The following CHRNB3 variants were observed in gnomAD, a reference collection of about 807,000 sequenced individuals.
CHRNB3 encodes neuronal acetylcholine receptor subunit beta-3.
A neutral mutation model predicts 40.6 loss-of-function variants in CHRNB3; 37 were observed. The observed-to-expected ratio is 0.91, with a 90% CI of 0.70 to 1.20. The LOEUF (loss-of-function observed/expected upper bound fraction) is 1.20. CHRNB3 is among the 50% of genes most tolerant of loss of function. The pLI, the probability that CHRNB3 is intolerant of heterozygous loss-of-function variation, is 0.00. For missense variants in CHRNB3, 505 were observed against 551.2 expected, an observed-to-expected ratio of 0.92 and a Z score of 0.84; for synonymous variants, 207 against 207.1, an observed-to-expected ratio of 1.00 and a Z score of 0.00.
intron 3 of CHRNB3, among the ~76,000 whole-genome samples, chr8:42,727,789 G>C (rs534173686): frequency 6.6e-6 from 1 of 152,086 alleles, no homozygotes. Context: ...CTTGAACCCA[G>C]GAGGCAGAGG....
intron 5 of CHRNB3, among the ~76,000 whole-genome samples, chr8:42,735,238 CAAAA>C (rs1231421021): frequency 1.4e-5 from 2 of 147,476 alleles, no homozygotes; most frequent in Non-Finnish European, 3.0e-5. Flanking sequence ...AACAAACAAA[CAAAA>C]AAACACTAAT....
chr8:42,734,126 G>T (rs557827294), intron 5 of CHRNB3, among the ~76,000 whole-genome samples: 26 of 149,904 alleles, frequency 1.7e-4, no homozygotes, highest in African/African-American at 5.8e-4. Context: ...CGTGGTGGTG[G>T]GAGCCTGTAG....
chr8:42,717,548 T>C (rs1208076058), intron 3 of CHRNB3, among the ~76,000 whole-genome samples: 5 of 151,496 alleles, frequency 3.3e-5, no homozygotes. Context: ...TTCCTTCCTT[T>C]TCTACAACCT....
rs529948335 is a variant in CHRNB3 at position 42,712,385 on chromosome 8, T to C, written c.249+1951T>C. On this transcript the variant is annotated intron_variant, in intron 3 of 5. Transcript: ENST00000289957. ...TCTGCTAATGCTTTATAAGGAGCAA[T>C]GGATACAAGAAACAGCAAGGAGCTT... is the stretch of plus-strand genomic sequence containing the variant. Among the ~76,000 whole-genome samples, 8 of 152,314 alleles carry C rather than the reference T, an allele frequency of 5.3e-5. No homozygotes were observed. In the East Asian group the frequency reaches 9.6e-4, roughly 18 times the overall value.
At chr8:42,708,647 AGCCATGGGACACTCATCCAG>A (rs1439538416) in intron 1 of CHRNB3, 50 bp from the exon 2 acceptor site, 11 of 1,530,262 alleles carry the variant, frequency 7.2e-6, no homozygotes, top group Non-Finnish European at 8.9e-6. Flanking sequence ...AGGCCACAGG[AGCCATGGGACACTCATCCAG>A]GCATCGTGCC....
chr8:42,706,202 A>G (rs767785214), intron 1 of CHRNB3, among the ~76,000 whole-genome samples: 13 of 152,210 alleles, frequency 8.5e-5, no homozygotes, highest in African/African-American at 2.7e-4. Flanking sequence ...ACTTTCCCCA[A>G]GCAGATGCAT....
At position 42,731,901 on chromosome 8, in the gene CHRNB3, C is replaced by T. The variant is rs544144336; in HGVS notation, c.594C>T (p.Asn198=). Residue 198 remains asparagine (N), a synonymous_variant, in exon 5 of 6, where the codon AAC becomes AAT. Coordinates refer to ENST00000289957, the MANE Select transcript of CHRNB3 (RefSeq NM_000749.5). The part of the protein sequence containing the change: ...ENVDRKDFFD[N]GEWEILNAKG... ...TCGACAGAAAAGACTTCTTCGATAA[C>T]GGAGAATGGGAAATACTGAACGCAA... The T allele has an allele frequency of 2.5e-6, 4 of 1,613,910 alleles. No homozygotes were observed. In the African/African-American group the frequency reaches 4.0e-5, roughly 16 times the overall value.
At chr8:42,698,592 G>A (rs1207385605) in intron 1 of CHRNB3, among the ~76,000 whole-genome samples, 1 of 152,164 alleles carries the variant, frequency 6.6e-6, no homozygotes, top group African/African-American at 2.4e-5. Context: ...CCTTTTCTCA[G>A]ACCAAGGACT....
At chr8:42,727,630 C>T (rs932057305) in intron 3 of CHRNB3, among the ~76,000 whole-genome samples, 21 of 151,920 alleles carry the variant, frequency 1.4e-4, no homozygotes, top group African/African-American at 4.6e-4. Context: ...AGACTTAAGT[C>T]GAGGCTGGTG....
At chr8:42,720,189 C>T (rs961098670) in intron 3 of CHRNB3, among the ~76,000 whole-genome samples, 3 of 134,208 alleles carry the variant, frequency 2.2e-5, no homozygotes, top group African/African-American at 5.5e-5. Flanking sequence ...TGCAGCGGCA[C>T]GATCTCGGCT....
intron 5 of CHRNB3, among the ~76,000 whole-genome samples, chr8:42,733,069 C>G (rs374563101): frequency 6.6e-5 from 10 of 151,738 alleles, no homozygotes; most frequent in African/African-American, 2.2e-4. Flanking sequence ...GTGGCTCATA[C>G]CTGTAATCCC....
At chr8:42,721,945 C>T (rs62518206) in intron 3 of CHRNB3, 8,688 of 152,122 alleles carry the variant, frequency 0.057, 330 homozygotes, top group Middle Eastern at 0.099. Context: ...AGCTGATGGA[C>T]TGAGAGTGGA....
chr8:42,733,741 C>T (rs979054992), intron 5 of CHRNB3, among the ~76,000 whole-genome samples: 5 of 151,260 alleles, frequency 3.3e-5, no homozygotes, highest in Admixed American at 3.3e-4. Flanking sequence ...TACAGGTACA[C>T]ACCACCACAC....
intron 4 of CHRNB3, 87 bp from the exon 5 acceptor site, chr8:42,731,580 T>G: frequency 1.4e-6 from 2 of 1,379,856 alleles, no homozygotes; most frequent in Non-Finnish European, 2.0e-6. Flanking sequence ...AGAAAAGTCA[T>G]AAAACAGAAA....
At chr8:42,711,366 G>T (rs1230057839) in intron 3 of CHRNB3, among the ~76,000 whole-genome samples, 11 of 148,938 alleles carry the variant, frequency 7.4e-5, no homozygotes, top group African/African-American at 1.2e-4. Flanking sequence ...TTTACCAGTG[G>T]TTTTTTTTTT....
intron 3 of CHRNB3, among the ~76,000 whole-genome samples, chr8:42,727,398 A>G (rs1816331016): frequency 6.6e-6 from 1 of 151,844 alleles, no homozygotes; most frequent in South Asian, 2.1e-4. Flanking sequence ...AAAGAAAGAA[A>G]AAAGAAAGAC....
intron 1 of CHRNB3, 66 bp downstream of exon 1, chr8:42,697,664 T>C (rs1313442907): frequency 3.4e-6 from 4 of 1,177,004 alleles, no homozygotes; most frequent in Non-Finnish European, 3.8e-6. Context: ...GAGGCAAAAC[T>C]ATGGTGTTGA....
At chr8:42,735,056 A>C (rs1816498325) in intron 5 of CHRNB3, among the ~76,000 whole-genome samples, 1 of 150,880 alleles carries the variant, frequency 6.6e-6, no homozygotes, top group Non-Finnish European at 1.5e-5. Flanking sequence ...CTGTCTCTAC[A>C]AAAAATACAA....
At position 42,703,380 on chromosome 8, in the gene CHRNB3, T is replaced by G. The variant is rs566298582; in HGVS notation, c.53-5337T>G. Among the ~76,000 whole-genome samples, 115 of 142,434 alleles carry G rather than the reference T, an allele frequency of 8.1e-4. 1 individual carries two copies. The highest frequency in any genetic ancestry group is 1.2e-4 in the Non-Finnish European group (8 of 65,576). The allele number at this position is 142,434 out of a possible 152,430, so 93.4% of individuals were successfully genotyped here. On this transcript the variant is annotated intron_variant, in intron 1 of 5. Transcript: ENST00000289957. ...CAGAGGTTGCCGTGAGCCAAGATCA[T>G]GCCACTGCCCTTCAGCCGGGGTGAC...
Sources: gnomAD v4.1 joint callset for allele counts (sites outside exome capture counted in the v4.1 genomes callset) on GRCh38, gnomAD v4.1.1 for gene constraint, MANE v1.5 for transcripts, NCBI Gene and HGNC (gene_info 2026-07-23, HGNC 2026-07-21) for gene names.